The following CARMIL1 variants were observed in gnomAD, a reference collection of about 807,000 sequenced individuals.
CARMIL1 encodes the protein capping protein regulator and myosin 1 linker 1.
CARMIL1 carries 90 observed loss-of-function variants against 177.1 expected under a neutral mutation model. The observed-to-expected ratio is 0.51, with a 90% CI of 0.43 to 0.61. CARMIL1 has a LOEUF of 0.61. CARMIL1 is among the 20% of genes least tolerant of loss of function. CARMIL1 has a pLI of 0.00. For missense variants in CARMIL1, 1,380 were observed against 1,667.0 expected (o/e 0.83, Z 3.00); for synonymous variants, 577 against 606.2 (o/e 0.95, Z 0.71).
At chr6:25,479,545 C>T (rs1053349764) in intron 11 of CARMIL1, among the ~76,000 whole-genome samples, 14 of 152,022 alleles carry the variant, frequency 9.2e-5, no homozygotes, top group Non-Finnish European at 1.3e-4. Flanking sequence ...ATCTCTGTTT[C>T]TCATTTATTT....
chr6:25,597,743 T>G (rs1330904141), intron 32 of CARMIL1, among the ~76,000 whole-genome samples: 1 of 152,236 alleles, frequency 6.6e-6, no homozygotes, highest in African/African-American at 2.4e-5. Context: ...TTGGCCCATG[T>G]TGGTCTTAGT....
chr6:25,365,380 A>G (rs909669665), intron 2 of CARMIL1, among the ~76,000 whole-genome samples: 7 of 152,288 alleles, frequency 4.6e-5, no homozygotes, highest in African/African-American at 1.7e-4. Context: ...TGCTAAACAT[A>G]TTCCCAGCGC....
intron 5 of CARMIL1, among the ~76,000 whole-genome samples, chr6:25,438,712 G>T (rs1013499687): frequency 5.3e-5 from 8 of 152,212 alleles, no homozygotes; most frequent in Admixed American, 5.2e-4. Flanking sequence ...TCAAGAGGGG[G>T]CTGGAACCAG....
At chr6:25,607,205 ACAC>A (rs1295580288) in intron 35 of CARMIL1, among the ~76,000 whole-genome samples, 2 of 138,800 alleles carry the variant, frequency 1.4e-5, no homozygotes, top group African/African-American at 5.4e-5. Context: ...ACACACACAC[ACAC>A]ATTAGGTTTT....
intron 2 of CARMIL1, among the ~76,000 whole-genome samples, chr6:25,395,609 TA>T (rs1264230470): frequency 3.9e-5 from 6 of 152,256 alleles, no homozygotes; most frequent in Non-Finnish European, 8.8e-5. Flanking sequence ...ACATCAATTT[TA>T]AAAGTCTTTT....
chr6:25,329,462 C>G (rs889127785), intron 2 of CARMIL1, among the ~76,000 whole-genome samples: 2 of 152,218 alleles, frequency 1.3e-5, no homozygotes, highest in African/African-American at 4.8e-5. Context: ...TTTGACAAAG[C>G]TACTTTGGCC....
At position 25,279,409 on chromosome 6, in the gene CARMIL1, G is replaced by A. The variant is rs1476853335; in HGVS notation, c.-387G>A. The A allele has an allele frequency of 2.3e-5, 8 of 344,878 alleles. No homozygotes were observed. Among genetic ancestry groups the A allele is most frequent in the Non-Finnish European group, 4.3e-5 (8 of 185,612 alleles). The allele number at this position is 344,878 out of a possible 1,614,324, so 21.4% of individuals were successfully genotyped here. A position where few individuals can be genotyped will look rare whatever the true frequency, so the allele number is the denominator to read the frequency against. On this transcript the variant is annotated 5_prime_UTR_variant, in exon 1 of 37. Coordinates refer to ENST00000329474, the MANE Select transcript of CARMIL1 (RefSeq NM_017640.6). ...ACGCCTTCCGCTTTCACCTAGGGCT[G>A]TAGGTGCGGCGCGGAGGCTGGGCGG...
chr6:25,491,189 A>G (rs1236950140), intron 13 of CARMIL1, among the ~76,000 whole-genome samples: 3 of 152,190 alleles, frequency 2.0e-5, no homozygotes, highest in Non-Finnish European at 2.9e-5. Context: ...TGTCTTAGCT[A>G]TTAGTGAAAT....
In CARMIL1 at chr6:25,586,872, CAG is replaced by C. The variant is rs1214553721; in HGVS notation, c.3006+5434_3006+5435del. Among the ~76,000 whole-genome samples the C allele has an allele frequency of 4.0e-4, 61 of 151,926 alleles. 2 individuals are homozygous for C. Among genetic ancestry groups the C allele is most frequent in the Non-Finnish European group, 1.2e-4 (8 of 67,952 alleles). ...GGCAGGCTGAGGCAGGAGAATCAGG[CAG>C]GGAGGTTGCAGTGAGCCGAGATGGC... is the stretch of plus-strand genomic sequence containing the variant. On this transcript the variant is annotated intron_variant, in intron 31 of 36. Transcript: ENST00000329474.
chr6:25,546,260 CAAA>C (rs1401922128), intron 26 of CARMIL1, among the ~76,000 whole-genome samples: 1 of 151,618 alleles, frequency 6.6e-6, no homozygotes, highest in Non-Finnish European at 1.5e-5. Context: ...ATACGATAAA[CAAA>C]AGAAATGAGA....
intron 17 of CARMIL1, among the ~76,000 whole-genome samples, chr6:25,505,194 C>A (rs910076975): frequency 1.3e-5 from 2 of 152,158 alleles, no homozygotes; most frequent in African/African-American, 2.4e-5. Context: ...TTCTTGAAAC[C>A]TGATTTTTTG....
At chr6:25,573,555 G>T (rs919242313) in intron 29 of CARMIL1, among the ~76,000 whole-genome samples, 22 of 109,712 alleles carry the variant, frequency 2.0e-4, no homozygotes, top group Non-Finnish European at 3.4e-4. Flanking sequence ...CCAGTTTTTT[G>T]CCAGCAATAA....
intron 10 of CARMIL1, among the ~76,000 whole-genome samples, chr6:25,472,120 A>AT (rs773626063): frequency 1.2e-3 from 178 of 145,696 alleles, no homozygotes; most frequent in African/African-American, 3.2e-3. Flanking sequence ...TCAATCCAGG[A>AT]TTTTTTTTTT....
At chr6:25,472,042 T>C (rs1219747207) in intron 10 of CARMIL1, among the ~76,000 whole-genome samples, 2 of 152,214 alleles carry the variant, frequency 1.3e-5, no homozygotes, top group Admixed American at 1.3e-4. Context: ...TAATCAGTTT[T>C]GCATTCACAA....
intron 2 of CARMIL1, among the ~76,000 whole-genome samples, chr6:25,399,931 G>A (rs1015277213): frequency 2.0e-5 from 3 of 152,078 alleles, no homozygotes; most frequent in Admixed American, 1.3e-4. Context: ...TAATCTTCAC[G>A]ACACTTATAG....
chr6:25,482,744 A>G (rs1277607299), intron 12 of CARMIL1, among the ~76,000 whole-genome samples: 6 of 152,192 alleles, frequency 3.9e-5, no homozygotes, highest in Non-Finnish European at 8.8e-5. Context: ...TTAACTTGTG[A>G]ATCACCACTG....
At chr6:25,516,548 A>T (rs1379507610) in intron 21 of CARMIL1, among the ~76,000 whole-genome samples, 1 of 152,204 alleles carries the variant, frequency 6.6e-6, no homozygotes, top group Non-Finnish European at 1.5e-5. Flanking sequence ...AAAACCCAAA[A>T]TCTGCAGCAA....
At chr6:25,350,320 T>C (rs905232881) in intron 2 of CARMIL1, among the ~76,000 whole-genome samples, 3 of 152,214 alleles carry the variant, frequency 2.0e-5, no homozygotes, top group African/African-American at 7.2e-5. Context: ...CCTGTTTACC[T>C]GTATGTGGTT....
intron 32 of CARMIL1, among the ~76,000 whole-genome samples, chr6:25,598,557 T>G (rs1044232112): frequency 3.9e-5 from 6 of 152,186 alleles, no homozygotes; most frequent in Non-Finnish European, 7.3e-5. Context: ...AGATTTTTTA[T>G]TTCCTCTGTT....
Sources: allele counts gnomAD v4.1 joint callset (sites outside exome capture counted in the v4.1 genomes callset), GRCh38; gene constraint gnomAD v4.1.1; transcripts MANE v1.5; gene names NCBI Gene and HGNC (gene_info 2026-07-23, HGNC 2026-07-21).